The following SPRY3 variants were observed in gnomAD, a reference collection of about 807,000 sequenced individuals.
The protein encoded by SPRY3 is sprouty RTK signaling antagonist 3.
A neutral mutation model predicts 20.2 loss-of-function variants in SPRY3; 15 were observed. That is an observed-to-expected ratio of 0.74 (90% CI 0.50 to 1.14). SPRY3 has a LOEUF of 1.14. SPRY3 is among the 50% of genes most tolerant of loss of function. SPRY3 has a pLI of 0.00. For synonymous variants in SPRY3, 143 were observed against 136.5 expected (o/e 1.05, Z -0.33); for missense variants, 364 against 363.9 (o/e 1.00, Z 0.00).
intron 2 of SPRY3, among the ~76,000 whole-genome samples, chrX:155,698,951 C>T (rs1035317757): frequency 8.9e-6 from 1 of 111,861 alleles, no homozygotes; most frequent in Non-Finnish European, 1.9e-5. Flanking sequence ...TAACTAACAT[C>T]ATAATAATGA....
chrX:155,632,197 T>C (rs1404869877), intron 1 of SPRY3, among the ~76,000 whole-genome samples: 3 of 102,236 alleles, frequency 2.9e-5, no homozygotes, highest in African/African-American at 1.1e-4. Flanking sequence ...AGTGAATTCA[T>C]CATATGTGAT....
At chrX:155,775,127 GC>G (rs1007663755) in exon 4 of SPRY3, 1 of 261,814 alleles carries the variant, frequency 3.8e-6, no homozygotes, top group African/African-American at 2.2e-5. Flanking sequence ...GCCTTTGGAA[GC>G]TTTCTTCTAA....
intron 1 of SPRY3, among the ~76,000 whole-genome samples, chrX:155,645,850 A>C (rs1430987744): frequency 9.0e-6 from 1 of 111,688 alleles, no homozygotes; most frequent in Non-Finnish European, 1.9e-5. Flanking sequence ...TAATTGTTAA[A>C]TTGGTGTCCT....
chrX:155,676,287 C>G (rs2068058792), intron 2 of SPRY3, among the ~76,000 whole-genome samples: 1 of 111,084 alleles, frequency 9.0e-6, no homozygotes, highest in Non-Finnish European at 1.9e-5. Flanking sequence ...TTTAAATGTT[C>G]TAATATATCC....
rs578253575 is a variant in SPRY3, at chrX:155,750,421, C to T, written c.-281-17541C>T. ...CAAACCTGCACATATACCCTCTGAA[C>T]CTAAAAGTTGAAATCATTTAAAAAA... On this transcript the variant is annotated intron_variant, in intron 2 of 3. Coordinates refer to ENST00000675360, the Ensembl canonical transcript of SPRY3. 1.6e-4 allele frequency among the ~76,000 whole-genome samples: 24 copies of T among 151,646 alleles called. No individual in the cohort carries two copies. The South Asian group carries it at 5.0e-3, about 32-fold the overall frequency.
chrX:155,760,407 T>G (rs1357333210), intron 2 of SPRY3, among the ~76,000 whole-genome samples: 1 of 152,192 alleles, frequency 6.6e-6, no homozygotes, highest in African/African-American at 2.4e-5. Context: ...TTACTATTTA[T>G]TTGAACCTTG....
intron 2 of SPRY3, among the ~76,000 whole-genome samples, chrX:155,693,893 C>A (rs1384698271): frequency 1.0e-5 from 1 of 99,695 alleles, no homozygotes; most frequent in Admixed American, 1.2e-4. Flanking sequence ...GCCTCCAACT[C>A]GTGGGCTCAA....
intron 2 of SPRY3, among the ~76,000 whole-genome samples, chrX:155,697,811 C>A (rs1300573330): frequency 9.1e-6 from 1 of 109,886 alleles, no homozygotes; most frequent in Non-Finnish European, 1.9e-5. Context: ...CTTAGGTAAT[C>A]CTGAGTCCCT....
intron 1 of SPRY3, among the ~76,000 whole-genome samples, chrX:155,651,559 C>T (rs782189283): frequency 9.0e-6 from 1 of 111,696 alleles, no homozygotes; most frequent in African/African-American, 3.3e-5. Context: ...AAAATATGTT[C>T]TAGATACTAG....
intron 2 of SPRY3, among the ~76,000 whole-genome samples, chrX:155,682,165 G>C (rs1420716842): frequency 1.8e-5 from 2 of 112,004 alleles, no homozygotes; most frequent in Non-Finnish European, 3.8e-5. Context: ...TTATCATTCT[G>C]AAAATCCTTG....
At chrX:155,730,725 C>G (rs1490975887) in intron 2 of SPRY3, among the ~76,000 whole-genome samples, 5 of 152,060 alleles carry the variant, frequency 3.3e-5, no homozygotes, top group Non-Finnish European at 7.4e-5. Context: ...TTAAATTATC[C>G]TTGTTTGCAG....
chrX:155,700,642 C>T (rs1387915429), intron 2 of SPRY3, among the ~76,000 whole-genome samples: 14 of 54,100 alleles, frequency 2.6e-4, no homozygotes, highest in Admixed American at 6.0e-4. Flanking sequence ...TTATTATACT[C>T]TAAGTTTTAG....
intron 2 of SPRY3, among the ~76,000 whole-genome samples, chrX:155,732,471 A>T (rs2091139846): frequency 6.6e-6 from 1 of 152,072 alleles, no homozygotes; most frequent in Non-Finnish European, 1.5e-5. Context: ...AGCCCAGTTA[A>T]AATTGATTTT....
intron 2 of SPRY3, among the ~76,000 whole-genome samples, chrX:155,760,665 T>C (rs1278459337): frequency 6.6e-6 from 1 of 152,168 alleles, no homozygotes; most frequent in African/African-American, 2.4e-5. Flanking sequence ...CCGCCTCAGA[T>C]TGTCAGGCAT....
rs188073819 is a variant in SPRY3 at position 155,768,631 on chromosome X, G to C, written c.-107+495G>C. 6.0e-3 allele frequency among the ~76,000 whole-genome samples: 913 copies of C among 152,208 alleles called. 51 individuals are homozygous for C. In the East Asian group the frequency reaches 0.13, roughly 21 times the overall value. On this transcript the variant is annotated intron_variant, in intron 3 of 3. Transcript: ENST00000675360. ...ACATCACCTTGCCCTGGGTAGACAT[G>C]GCGCAAGCTGACACGGCAGAACCCC...
At chrX:155,709,103 C>T (rs376737527) in intron 2 of SPRY3, among the ~76,000 whole-genome samples, 11 of 151,746 alleles carry the variant, frequency 7.2e-5, no homozygotes, top group African/African-American at 2.7e-4. Flanking sequence ...CAAATCTTGG[C>T]TATTGTGAAC....
intron 2 of SPRY3, among the ~76,000 whole-genome samples, chrX:155,686,948 G>A (rs1308830914): frequency 8.9e-6 from 1 of 112,797 alleles, no homozygotes; most frequent in Non-Finnish European, 1.9e-5. Flanking sequence ...TACCTTTCCT[G>A]CTCCTTGAGC....
At chrX:155,654,031 C>A (rs1389496650) in intron 1 of SPRY3, among the ~76,000 whole-genome samples, 1 of 111,928 alleles carries the variant, frequency 8.9e-6, no homozygotes, top group Non-Finnish European at 1.9e-5. Flanking sequence ...TATTCAGATG[C>A]CAGTTATAAG....
At chrX:155,751,934 A>AAAAT (rs1556206488) in intron 2 of SPRY3, among the ~76,000 whole-genome samples, 3 of 32,408 alleles carry the variant, frequency 9.3e-5, no homozygotes, top group African/African-American at 2.9e-4. Flanking sequence ...GAAATAAAAT[A>AAAAT]AAATAAAATA....
Sources: gnomAD v4.1 joint callset for allele counts (sites outside exome capture counted in the v4.1 genomes callset) on GRCh38, gnomAD v4.1.1 for gene constraint, MANE v1.5 for transcripts, NCBI Gene and HGNC (gene_info 2026-07-23, HGNC 2026-07-21) for gene names.